The following KLHL29 variants were observed in gnomAD, a reference collection of about 807,000 sequenced individuals.
The protein encoded by KLHL29 is kelch-like protein 29.
KLHL29 carries 21 observed loss-of-function variants against 80.4 expected under a neutral mutation model. The observed-to-expected ratio is 0.26, with a 90% CI of 0.19 to 0.38. KLHL29 has a LOEUF of 0.38. KLHL29 is among the 10% of genes least tolerant of loss of function. The pLI is 1.00. For missense variants in KLHL29, 867 were observed against 1,223.9 expected, an observed-to-expected ratio of 0.71 and a Z score of 4.35; for synonymous variants, 511 against 526.8, an observed-to-expected ratio of 0.97 and a Z score of 0.41.
At position 23,696,446 on chromosome 2, in the gene KLHL29, G is replaced by A. The variant is rs760501789; in HGVS notation, c.2038G>A (p.Val680Ile). ...TVPRCRHNSL[V>I]YDGKIYTLGG... Reference sequence around the variant, plus strand: ...CCCCCGCTGTCGGCACAATAGCCTCGTCTACGATGGGAAGATTTACACCCT... The same window carrying A: ...CCCCCGCTGTCGGCACAATAGCCTCATCTACGATGGGAAGATTTACACCCT... Residue 680 changes from valine (V) to isoleucine (I), a missense_variant, in exon 11 of 14, where the codon GTC becomes ATC. Val to Ile is a conservative substitution (Grantham distance 29, BLOSUM62 3). This residue lies in a region of KLHL29 where 443 missense variants were observed against 767.0 expected (regional missense o/e 0.58). Transcript: ENST00000486442. This position sits in a 1 kb window ranked among gnomAD's most constrained non-coding sequence, Gnocchi z 5.5. 16 of 1,550,774 alleles carry A rather than the reference G, an allele frequency of 1.0e-5. No individual in the cohort carries two copies. Among genetic ancestry groups the A allele is most frequent in the East Asian group, 4.9e-5 (2 of 40,938 alleles).
At chr2:23,660,303 C>T (rs2149169181) in intron 5 of KLHL29, among the ~76,000 whole-genome samples, 1 of 152,370 alleles carries the variant, frequency 6.6e-6, no homozygotes, top group Admixed American at 6.5e-5. Flanking sequence ...CCTCAGCTCC[C>T]TGTTGCTTCC....
intron 3 of KLHL29, among the ~76,000 whole-genome samples, chr2:23,626,666 G>A (rs540094959): frequency 6.6e-6 from 1 of 152,346 alleles, no homozygotes; most frequent in South Asian, 2.1e-4. Flanking sequence ...GTGTGGGGTG[G>A]GAGGGGGGCC....
At chr2:23,465,155 G>A (rs1395872130) in intron 1 of KLHL29, among the ~76,000 whole-genome samples, 1 of 152,190 alleles carries the variant, frequency 6.6e-6, no homozygotes, top group Non-Finnish European at 1.5e-5. Flanking sequence ...GTCTCGTACT[G>A]TGGCAGGCAG....
chr2:23,476,353 A>T (rs1664641804), intron 2 of KLHL29, among the ~76,000 whole-genome samples: 1 of 152,128 alleles, frequency 6.6e-6, no homozygotes, highest in African/African-American at 2.4e-5. Flanking sequence ...TTATTTATTC[A>T]TTATAAAGGG....
chr2:23,643,130 C>T (rs961722034), intron 5 of KLHL29: 2 of 577,598 alleles, frequency 3.5e-6, no homozygotes, highest in Non-Finnish European at 6.4e-6. Flanking sequence ...CCGTCCCCCT[C>T]CAGCCCAAGC....
At chr2:23,552,386 G>A (rs1667153095) in intron 2 of KLHL29, among the ~76,000 whole-genome samples, 1 of 152,152 alleles carries the variant, frequency 6.6e-6, no homozygotes, top group Non-Finnish European at 1.5e-5. Context: ...GCAGCTTTTT[G>A]TACATCAATC....
chr2:23,642,340 A>G lies in KLHL29; in HGVS notation c.430A>G (p.Thr144Ala). 1.4e-6 allele frequency: 2 copies of G among 1,413,348 alleles called. No individual in the cohort carries two copies. The highest frequency in any genetic ancestry group is 1.9e-6 in the Non-Finnish European group (2 of 1,077,910). The allele number at this position is 1,413,348 out of a possible 1,614,324, so 87.6% of individuals were successfully genotyped here. Residue 144 changes from threonine to alanine, a missense_variant and splice_region_variant, in exon 5 of 14, where the codon ACA (threonine) becomes GCA (alanine). Physicochemically the swap from Thr to Ala is moderately conservative, Grantham distance 58. Coordinates refer to ENST00000486442, the MANE Select transcript of KLHL29 (RefSeq NM_052920.2). ...CGTTTCTTCCATCTCCCTTGCAGGC[A>G]CAGGGCCATGGGTGACCACGGTGGC... is the stretch of plus-strand genomic sequence containing the variant. ...KQMRESDNPG[T>A]GPWVTTVAAG...
intron 1 of KLHL29, among the ~76,000 whole-genome samples, chr2:23,443,605 C>A (rs760209036): frequency 6.6e-6 from 1 of 152,174 alleles, no homozygotes; most frequent in African/African-American, 2.4e-5. Flanking sequence ...CTAACTTATT[C>A]TTCTATCCCC....
chr2:23,597,971 G>A (rs1487877741), intron 3 of KLHL29, among the ~76,000 whole-genome samples: 4 of 152,200 alleles, frequency 2.6e-5, no homozygotes, highest in Admixed American at 6.5e-5. Flanking sequence ...GGTGCCAGGA[G>A]TAAGGCCCCC....
intron 3 of KLHL29, among the ~76,000 whole-genome samples, chr2:23,585,509 G>A (rs1490027828): frequency 1.3e-5 from 2 of 152,146 alleles, no homozygotes; most frequent in East Asian, 1.9e-4. Flanking sequence ...GCACAGTCAC[G>A]AGAAGAGGGG....
intron 2 of KLHL29, among the ~76,000 whole-genome samples, chr2:23,553,062 G>A (rs79086805): frequency 0.013 from 2,013 of 152,214 alleles, 17 homozygotes; most frequent in Non-Finnish European, 0.017. Flanking sequence ...TCCCGGCCAC[G>A]GCTCTGGTTT....
At chr2:23,487,295 C>T (rs1558356466) in intron 2 of KLHL29, among the ~76,000 whole-genome samples, 1 of 152,180 alleles carries the variant, frequency 6.6e-6, no homozygotes, top group Non-Finnish European at 1.5e-5. Context: ...TGTAGTGAGG[C>T]TTCTAGTGGT....
intron 5 of KLHL29, among the ~76,000 whole-genome samples, chr2:23,678,851 A>C (rs1025486857): frequency 1.3e-5 from 2 of 152,200 alleles, no homozygotes; most frequent in African/African-American, 4.8e-5. Context: ...AAGAGGGTCT[A>C]AAATAGTCAA....
intron 2 of KLHL29, among the ~76,000 whole-genome samples, chr2:23,481,615 C>T (rs778791034): frequency 6.6e-6 from 1 of 152,182 alleles, no homozygotes; most frequent in Non-Finnish European, 1.5e-5. Context: ...TCCAAGATCC[C>T]GTAGAAGAGG....
rs1379463765 is a variant in KLHL29, at chr2:23,696,359, G to A, written c.1951G>A (p.Ala651Thr). 2 of 1,551,612 alleles carry A rather than the reference G, an allele frequency of 1.3e-6. No individual in the cohort carries two copies. The highest frequency in any genetic ancestry group is 2.4e-5 in the South Asian group (2 of 84,056). Reference sequence around the variant, plus strand: ...TGGGATGGAATCAGGGGTGACGCTGGCTGATGTCTGGTGCTACATGTCCCT... The same window carrying A: ...TGGGATGGAATCAGGGGTGACGCTGACTGATGTCTGGTGCTACATGTCCCT... ...SGGMESGVTL[A>T]DVWCYMSLLD... Residue 651 changes from alanine (A) to threonine (T), a missense_variant, in exon 11 of 14, where the codon GCT becomes ACT. Around this residue, in one of 2 missense-constraint regions of KLHL29, gnomAD observed 443 missense variants for 767.0 expected, o/e 0.58. Transcript: ENST00000486442. The surrounding 1 kb of genome is among the most constrained non-coding windows in gnomAD (Gnocchi z 5.5).
chr2:23,646,275 G>A (rs1669930552), intron 5 of KLHL29, among the ~76,000 whole-genome samples: 3 of 152,212 alleles, frequency 2.0e-5, no homozygotes, highest in Admixed American at 2.0e-4. Context: ...AGGATCCCGT[G>A]AACCCAGCTG....
intron 3 of KLHL29, among the ~76,000 whole-genome samples, chr2:23,589,563 G>A (rs1244371676): frequency 1.3e-5 from 2 of 152,236 alleles, no homozygotes; most frequent in Non-Finnish European, 2.9e-5. Flanking sequence ...TTCAGTGGGA[G>A]CCAAGTTGAG....
At chr2:23,672,640 G>C (rs1374519287) in intron 5 of KLHL29, 1 of 152,530 alleles carries the variant, frequency 6.6e-6, no homozygotes, top group Non-Finnish European at 1.5e-5. Flanking sequence ...CCTCACTGTG[G>C]GCACCTATGT....
chr2:23,441,283 A>T (rs1314102247), intron 1 of KLHL29, among the ~76,000 whole-genome samples: 12 of 143,422 alleles, frequency 8.4e-5, no homozygotes, highest in Admixed American at 4.4e-4. Context: ...GAACAATGAG[A>T]ATACATGGAC....
Sources: allele counts gnomAD v4.1 joint callset (sites outside exome capture counted in the v4.1 genomes callset), GRCh38; gene constraint gnomAD v4.1.1; regional missense constraint gnomAD v4.1.1; non-coding constraint Gnocchi (gnomAD v3.1); transcripts MANE v1.5; gene names NCBI Gene and HGNC (gene_info 2026-07-23, HGNC 2026-07-21).